The following STK38 variants were observed in gnomAD, a reference collection of about 807,000 sequenced individuals.
The protein encoded by STK38 is serine/threonine-protein kinase 38.
A neutral mutation model predicts 59.0 loss-of-function variants in STK38; 26 were observed. The ratio of observed to expected loss-of-function variants is 0.44; its 90% CI spans 0.32 to 0.61. STK38 has a LOEUF of 0.61. Among genes scored for constraint, STK38 ranks in the 20% least tolerant of loss-of-function variants. The pLI, the probability that STK38 is intolerant of heterozygous loss-of-function variation, is 0.04. For synonymous variants in STK38, 175 were observed against 176.6 expected (o/e 0.99, Z 0.07); for missense variants, 433 against 566.0 (o/e 0.76, Z 2.38).
chr6:36,541,651 G>C (rs1317277146), intron 1 of STK38, among the ~76,000 whole-genome samples: 1 of 152,086 alleles, frequency 6.6e-6, no homozygotes, highest in African/African-American at 2.4e-5. Context: ...TCCACTCTAA[G>C]TCAACAGAAC....
chr6:36,525,620 T>A lies in STK38; in HGVS notation c.154A>T (p.Met52Leu). 1 of 1,613,780 alleles carries A rather than the reference T, an allele frequency of 6.2e-7. No individual in the cohort carries two copies. The highest frequency in any genetic ancestry group is 1.3e-5 in the African/African-American group (1 of 75,016). The change falls in exon 3 of 14, where the codon ATG becomes TTG. Residue 52 changes from methionine to leucine, a missense_variant. Met to Leu is a conservative substitution (Grantham distance 15). Coordinates refer to ENST00000229812, the MANE Select transcript of STK38 (RefSeq NM_007271.4). ...EMRQKKLEKV[M>L]EEEGLKDEEK... ...TCATCTTTTAGGCCTTCTTCTTCCATCACCTTTTCTAACTTCTTTTGTCTA... is the reference window on the plus strand; with the variant it reads ...TCATCTTTTAGGCCTTCTTCTTCCAACACCTTTTCTAACTTCTTTTGTCTA...
chr6:36,537,088 T>A (rs546925151), intron 2 of STK38, among the ~76,000 whole-genome samples: 1 of 152,112 alleles, frequency 6.6e-6, no homozygotes, highest in Non-Finnish European at 1.5e-5. Context: ...TAAAGACAAC[T>A]CCATTTTTTT....
chr6:36,542,606 T>C (rs1777965323), intron 1 of STK38, among the ~76,000 whole-genome samples: 1 of 152,304 alleles, frequency 6.6e-6, no homozygotes, highest in Admixed American at 6.5e-5. Context: ...ATAGCGCCAC[T>C]GCACTCCAGA....
intron 1 of STK38, among the ~76,000 whole-genome samples, chr6:36,545,289 G>GAAAAAAA (rs58104312): frequency 1.3e-4 from 8 of 60,504 alleles, no homozygotes; most frequent in African/African-American, 2.0e-4. Flanking sequence ...ACTCCGTCTG[G>GAAAAAAA]AAAAAAAAAA....
chr6:36,512,607 TC>T (rs1777139358), intron 7 of STK38, among the ~76,000 whole-genome samples: 1 of 152,192 alleles, frequency 6.6e-6, no homozygotes, highest in Non-Finnish European at 1.5e-5. Context: ...CAGAAAGGCA[TC>T]AAAGTGATTA....
intron 1 of STK38, among the ~76,000 whole-genome samples, chr6:36,545,190 G>A (rs7749358): frequency 0.23 from 34,422 of 150,608 alleles, 4,097 homozygotes; most frequent in East Asian, 0.39. Context: ...CTACTTGGGA[G>A]GCTGAGGCAG....
chr6:36,514,748 G>T (rs949785881), intron 7 of STK38, among the ~76,000 whole-genome samples: 2 of 151,192 alleles, frequency 1.3e-5, no homozygotes, highest in African/African-American at 4.9e-5. Flanking sequence ...TTGGGAGGCT[G>T]AGGCAATGAG....
intron 6 of STK38, among the ~76,000 whole-genome samples, 175 bp downstream of exon 6, chr6:36,517,542 T>C (rs905015539): frequency 6.6e-6 from 1 of 152,168 alleles, no homozygotes; most frequent in South Asian, 2.1e-4. Context: ...ACTAAGATTG[T>C]AGAAAGGCAC....
intron 4 of STK38, chr6:36,522,354 G>T (rs1388900490): frequency 6.6e-6 from 1 of 152,544 alleles, no homozygotes; most frequent in Non-Finnish European, 1.5e-5. Flanking sequence ...GTGGCAGAGG[G>T]GGGGCCCACC....
intron 2 of STK38, among the ~76,000 whole-genome samples, chr6:36,529,463 C>T (rs1468327764): frequency 6.6e-6 from 1 of 152,194 alleles, no homozygotes; most frequent in African/African-American, 2.4e-5. Context: ...GCCAGGTTAA[C>T]TAACACTCCA....
Position 36,529,885 on chromosome 6 carries a change from A to T in STK38, c.132-4243T>A, listed in dbSNP as rs562519423. Among the ~76,000 whole-genome samples, 24 of 152,256 alleles carry T rather than the reference A, an allele frequency of 1.6e-4. No homozygotes were observed. The South Asian group carries it at 4.8e-3, about 30-fold the overall frequency. ...AGGGATGAGAGAATAGGGCTATTCC[A>T]CCCTAATTGAAAACAGACAGTATTT... On this transcript the variant is annotated intron_variant, in intron 2 of 13. Transcript: ENST00000229812.
At position 36,515,332 on chromosome 6, in the gene STK38, C is replaced by G; in HGVS notation, c.669+6G>C. The G allele has an allele frequency of 3.1e-6, 5 of 1,613,658 alleles. No individual in the cohort carries two copies. Among genetic ancestry groups the G allele is most frequent in the Non-Finnish European group, 4.2e-6 (5 of 1,179,816 alleles). On this transcript the variant is annotated splice_donor_region_variant and intron_variant, in intron 7 of 13. Transcript: ENST00000229812. Reference sequence around the variant, plus strand: ...TGCATAGTTCATGCCAATGCCCCCCCAATACCTTGCTGTCCAAAAGAAGGT... The same window carrying G: ...TGCATAGTTCATGCCAATGCCCCCCGAATACCTTGCTGTCCAAAAGAAGGT...
chr6:36,495,983 G>A, intron 13 of STK38, 69 bp from the exon 14 acceptor site: 2 of 1,569,634 alleles, frequency 1.3e-6, no homozygotes, highest in Non-Finnish European at 8.7e-7. Context: ...CGGTGCTGAA[G>A]ACAGGACTAT....
At chr6:36,496,967 A>G (rs1256965704) in intron 12 of STK38, among the ~76,000 whole-genome samples, 162 bp from the exon 13 acceptor site, 2 of 152,238 alleles carry the variant, frequency 1.3e-5, no homozygotes, top group Admixed American at 6.5e-5. Context: ...TGACCAACCA[A>G]GCCAACTGAC....
chr6:36,499,886 A>G lies in STK38; in HGVS notation c.939T>C (p.Tyr313=). 1 of 1,613,854 alleles carries G rather than the reference A, an allele frequency of 6.2e-7. No individual in the cohort carries two copies. The highest frequency in any genetic ancestry group is 8.5e-7 in the Non-Finnish European group (1 of 1,179,774). Residue 313 remains tyrosine (Y), a synonymous_variant, in exon 10 of 14, where the codon TAT becomes TAC. Transcript: ENST00000229812. ...CATGCAACTTACCGATGAGCATCTC[A>G]TACATGATCACCCCAAGCGACCACC... ...CDWWSLGVIM[Y]EMLIGYPPFC...
chr6:36,546,377 T>C (rs980145536), intron 1 of STK38, among the ~76,000 whole-genome samples: 3 of 152,144 alleles, frequency 2.0e-5, no homozygotes, highest in Admixed American at 1.3e-4. Flanking sequence ...GGAGAGCCTG[T>C]TATCGAGGTG....
At chr6:36,501,405 A>AT (rs1776835661) in intron 9 of STK38, among the ~76,000 whole-genome samples, 2 of 152,122 alleles carry the variant, frequency 1.3e-5, no homozygotes, top group Non-Finnish European at 2.9e-5. Flanking sequence ...ATATTATATA[A>AT]TTTTTTAAAT....
intron 2 of STK38, among the ~76,000 whole-genome samples, chr6:36,535,074 T>A (rs1777755431): frequency 6.6e-6 from 1 of 151,966 alleles, no homozygotes; most frequent in Admixed American, 6.6e-5. Flanking sequence ...CCCCAAATAT[T>A]AGAAATAGAT....
intron 2 of STK38, among the ~76,000 whole-genome samples, chr6:36,527,676 C>A (rs1333685942): frequency 6.6e-6 from 1 of 152,092 alleles, no homozygotes; most frequent in African/African-American, 2.4e-5. Flanking sequence ...TTCCTTACAA[C>A]CAATTCCACA....
Sources: allele counts gnomAD v4.1 joint callset (sites outside exome capture counted in the v4.1 genomes callset), GRCh38; gene constraint gnomAD v4.1.1; transcripts MANE v1.5; gene names NCBI Gene and HGNC (gene_info 2026-07-23, HGNC 2026-07-21).